The following FARS2 variants were observed in gnomAD, a reference collection of about 807,000 sequenced individuals.
FARS2 encodes phenylalanyl-tRNA synthetase 2, mitochondrial, also known as phenylalanine--tRNA ligase, mitochondrial.
FARS2 carries 40 observed loss-of-function variants against 46.4 expected under a neutral mutation model. The observed-to-expected ratio is 0.86, with a 90% confidence interval of 0.67 to 1.12. The LOEUF (loss-of-function observed/expected upper bound fraction) is 1.12. Ranked by LOEUF, FARS2 falls within the 50% of genes most tolerant of loss-of-function variation. The pLI is 0.00. For synonymous variants in FARS2, 234 were observed against 214.9 expected, an observed-to-expected ratio of 1.09 and a Z score of -0.78; for missense variants, 513 against 567.9, an observed-to-expected ratio of 0.90 and a Z score of 0.98.
rs559753094 is a variant in FARS2, at chr6:5,444,992, G to A, written c.904+13820G>A. Among the ~76,000 whole-genome samples, 8 of 152,336 alleles carry A rather than the reference G, an allele frequency of 5.3e-5. No individual in the cohort carries two copies. The South Asian group carries it at 1.7e-3, about 32-fold the overall frequency. ...CTCAGTTTCTTCATCTGTAAGATGA[G>A]GGGCCTAAATTATATAATTTTCAGA... On this transcript the variant is annotated intron_variant, in intron 4 of 6. Transcript: ENST00000274680.
At chr6:5,252,517 G>A in the FARS2 span, among the ~76,000 whole-genome samples, 1 of 152,026 alleles carries the variant, frequency 6.6e-6, no homozygotes, top group Non-Finnish European at 1.5e-5. Flanking sequence ...TACTGTCTTT[G>A]CCTGGAATGC....
At chr6:5,398,036 C>T (rs761635020) in intron 2 of FARS2, among the ~76,000 whole-genome samples, 3 of 152,128 alleles carry the variant, frequency 2.0e-5, no homozygotes, top group African/African-American at 4.8e-5. Context: ...TCATGAAGAA[C>T]GTGGTGGTGA....
At chr6:5,270,207 C>G (rs1030110804) in intron 1 of FARS2, among the ~76,000 whole-genome samples, 2 of 152,144 alleles carry the variant, frequency 1.3e-5, no homozygotes, top group African/African-American at 4.8e-5. Context: ...ACTTTCTTTC[C>G]TGTTTCTTGA....
chr6:5,341,188 G>GAGATATATAT (rs1771535177), intron 1 of FARS2, among the ~76,000 whole-genome samples: 2 of 34,188 alleles, frequency 5.9e-5, no homozygotes, highest in Non-Finnish European at 1.1e-4. Context: ...GCCATGGGGA[G>GAGATATATAT]ATATATATAT....
In FARS2 at chr6:5,368,909, C is replaced by A; in HGVS notation, c.339C>A (p.Tyr113Ter). The A allele has an allele frequency of 6.2e-7, 1 of 1,614,144 alleles. No individual in the cohort carries two copies. The highest frequency in any genetic ancestry group is 8.5e-7 in the Non-Finnish European group (1 of 1,180,030). Residue 113 changes from tyrosine (Y) to a stop codon, truncating the protein, a stop_gained, in exon 2 of 7, where the codon TAC becomes TAA. Coordinates refer to ENST00000274680, the MANE Select transcript of FARS2 (RefSeq NM_006567.5). LOFTEE classifies it high-confidence loss of function. ...TTGGGACCCCGTTGTTCTCGGTCTA[C>A]GACAACCTTTCTCCAGTGGTCACGA... ...GRFGTPLFSV[Y>*]DNLSPVVTTW... is the part of the protein sequence containing the mutation.
At chr6:5,261,043 C>T (rs1377904642), upstream of FARS2, 5 of 843,140 alleles carry the variant, frequency 5.9e-6, no homozygotes, top group South Asian at 2.2e-4. Flanking sequence ...GCAGCCGCTC[C>T]ACGCGGCGGG....
intron 4 of FARS2, among the ~76,000 whole-genome samples, chr6:5,509,060 A>C (rs1213239848): frequency 1.3e-5 from 2 of 152,226 alleles, no homozygotes; most frequent in African/African-American, 2.4e-5. Context: ...ACATCCATGC[A>C]TGCGTGTGGC....
chr6:5,542,359 G>A (rs1303997983), intron 4 of FARS2, among the ~76,000 whole-genome samples: 1 of 152,144 alleles, frequency 6.6e-6, no homozygotes, highest in Non-Finnish European at 1.5e-5. Flanking sequence ...GTGTTTTGGG[G>A]TTGAGCTATT....
At chr6:5,317,384 C>T (rs1769598196) in intron 1 of FARS2, among the ~76,000 whole-genome samples, 1 of 152,150 alleles carries the variant, frequency 6.6e-6, no homozygotes, top group Admixed American at 6.5e-5. Flanking sequence ...AATTTAAAGT[C>T]ACTAATATTA....
At chr6:5,273,456 A>G (rs1179053567) in intron 1 of FARS2, among the ~76,000 whole-genome samples, 1 of 151,666 alleles carries the variant, frequency 6.6e-6, no homozygotes, top group East Asian at 1.9e-4. Context: ...GGCCATTTGT[A>G]TGTCTTCATT....
chr6:5,598,145 G>A (rs183944769), intron 5 of FARS2, among the ~76,000 whole-genome samples: 13 of 152,178 alleles, frequency 8.5e-5, no homozygotes, highest in African/African-American at 2.2e-4. Context: ...CTAGCACTTC[G>A]GGAGGCCAAG....
At chr6:5,305,314 T>C (rs7751332) in intron 1 of FARS2, among the ~76,000 whole-genome samples, 18,990 of 152,204 alleles carry the variant, frequency 0.12, 2,528 homozygotes, top group African/African-American at 0.34. Context: ...CATTGTATTG[T>C]ATATGATGTA....
At chr6:5,732,480 C>G (rs1760699914) in intron 6 of FARS2, among the ~76,000 whole-genome samples, 1 of 152,272 alleles carries the variant, frequency 6.6e-6, no homozygotes, top group South Asian at 2.1e-4. Flanking sequence ...CTGACCCGTT[C>G]CCCCAGCTTT....
rs376371615 is a variant in FARS2, at chr6:5,505,114, A to G, written c.905-40066A>G. On this transcript the variant is annotated intron_variant, in intron 4 of 6. Coordinates refer to ENST00000274680, the MANE Select transcript of FARS2 (RefSeq NM_006567.5). Reference sequence around the variant, plus strand: ...ATAATTTTAATTATTTGTGGTACCTACTTTCACTCTCAGAAGTGTCTTGGT... The same window carrying G: ...ATAATTTTAATTATTTGTGGTACCTGCTTTCACTCTCAGAAGTGTCTTGGT... Among the ~76,000 whole-genome samples the G allele has an allele frequency of 2.2e-4, 34 of 152,354 alleles. No homozygotes were observed. In the East Asian group the frequency reaches 6.5e-3, roughly 29 times the overall value.
intron 4 of FARS2, among the ~76,000 whole-genome samples, chr6:5,477,155 A>G (rs1442836308): frequency 1.3e-5 from 2 of 152,236 alleles, no homozygotes; most frequent in African/African-American, 4.8e-5. Context: ...GCCTATCATA[A>G]TAATTTGTGT....
intron 4 of FARS2, among the ~76,000 whole-genome samples, chr6:5,475,501 C>T (rs938815951): frequency 1.4e-4 from 21 of 152,142 alleles, no homozygotes; most frequent in Non-Finnish European, 2.6e-4. Flanking sequence ...GAAGCATGTG[C>T]GTTTCAGACT....
At position 5,471,408 on chromosome 6, in the gene FARS2, G is replaced by A. The variant is rs1765799300; in HGVS notation, c.904+40236G>A. Reference sequence around the variant, plus strand: ...TCCTTCTCTTACCTTTTCTTGCTCTGGCTAATATCCCAACTAGCCCTTCAT... The same window carrying A: ...TCCTTCTCTTACCTTTTCTTGCTCTAGCTAATATCCCAACTAGCCCTTCAT... On this transcript the variant is annotated intron_variant, in intron 4 of 6. Transcript: ENST00000274680. The surrounding 1 kb of genome is among the most constrained non-coding windows in gnomAD (Gnocchi z 4.1). Among the ~76,000 whole-genome samples, 1 of 152,094 alleles carries A rather than the reference G, an allele frequency of 6.6e-6. No individual in the cohort carries two copies. The highest frequency in any genetic ancestry group is 6.5e-5 in the Admixed American group (1 of 15,270).
chr6:5,345,638 T>C (rs1757181572), intron 1 of FARS2, among the ~76,000 whole-genome samples: 1 of 152,168 alleles, frequency 6.6e-6, no homozygotes, highest in Admixed American at 6.5e-5. Flanking sequence ...AGGTTAGTGT[T>C]TGAATTTGGT....
chr6:5,708,676 T>G (rs553950903), intron 6 of FARS2, among the ~76,000 whole-genome samples: 1 of 151,622 alleles, frequency 6.6e-6, no homozygotes, highest in Non-Finnish European at 1.5e-5. Flanking sequence ...TTTATGGTTT[T>G]TAGAGACAGG....
Sources: allele counts gnomAD v4.1 joint callset (sites outside exome capture counted in the v4.1 genomes callset), GRCh38; gene constraint gnomAD v4.1.1; non-coding constraint Gnocchi (gnomAD v3.1); transcripts MANE v1.5; gene names NCBI Gene and HGNC (gene_info 2026-07-23, HGNC 2026-07-21).